ADCY8: variants seen among roughly 807,000 people sequenced by gnomAD.
ADCY8 encodes adenylate cyclase type 8.
Under a neutral mutation model 119.7 loss-of-function variants are expected in ADCY8, and 51 were observed. That is an observed-to-expected ratio of 0.43 (90% CI 0.34 to 0.54). The LOEUF (loss-of-function observed/expected upper bound fraction) is 0.54, where lower values mean the gene tolerates loss of function less well. Ranked by LOEUF, ADCY8 falls within the 20% of genes least tolerant of loss-of-function variation. The probability of loss-of-function intolerance (pLI) is 0.03; values close to 1 mark genes in which losing one functional copy is unlikely to be tolerated. For missense variants in ADCY8, 1,383 were observed against 1,598.8 expected (o/e 0.87, Z 2.30); for synonymous variants, 665 against 651.0 (o/e 1.02, Z -0.33).
intron 1 of ADCY8, among the ~76,000 whole-genome samples, chr8:131,017,200 G>A (rs1208548985): frequency 6.6e-6 from 1 of 151,968 alleles, no homozygotes; most frequent in African/African-American, 2.4e-5. Flanking sequence ...CTCCCTAGTA[G>A]CTGGGACTAC....
chr8:130,871,935 T>G (rs1281530279), intron 8 of ADCY8, among the ~76,000 whole-genome samples: 2 of 151,528 alleles, frequency 1.3e-5, no homozygotes, highest in Non-Finnish European at 2.9e-5. Context: ...ACAAGAGAAC[T>G]TGGCAATCAC....
intron 15 of ADCY8, among the ~76,000 whole-genome samples, chr8:130,796,230 A>G (rs1257424116): frequency 1.3e-5 from 2 of 152,206 alleles, no homozygotes; most frequent in Non-Finnish European, 2.9e-5. Context: ...TGGAGGCAGA[A>G]AGGAACTTCA....
At chr8:130,869,958 T>TCCTC (rs1563703151) in intron 8 of ADCY8, among the ~76,000 whole-genome samples, 5 of 78,312 alleles carry the variant, frequency 6.4e-5, no homozygotes, top group East Asian at 2.2e-3. Context: ...TTCTTCTTCT[T>TCCTC]CTTCCTTCTT....
At chr8:130,900,999 G>C (rs28692964) in intron 7 of ADCY8, among the ~76,000 whole-genome samples, 91,024 of 151,838 alleles carry the variant, frequency 0.6, 28,447 homozygotes, top group East Asian at 0.69. Context: ...TTCTATCATC[G>C]ACGCAGTTCC....
intron 5 of ADCY8, among the ~76,000 whole-genome samples, chr8:130,916,135 G>C (rs1393567095): frequency 6.6e-6 from 1 of 152,192 alleles, no homozygotes; most frequent in East Asian, 1.9e-4. Flanking sequence ...TGATGGACTA[G>C]TTAGAATTTC....
At chr8:130,869,151 G>T (rs1272461428) in intron 8 of ADCY8, among the ~76,000 whole-genome samples, 1 of 152,158 alleles carries the variant, frequency 6.6e-6, no homozygotes, top group Non-Finnish European at 1.5e-5. Flanking sequence ...CACAGTTATT[G>T]CTTTTGCAGG....
At position 131,009,616 on chromosome 8, in the gene ADCY8, G is replaced by C. The variant is rs145750341; in HGVS notation, c.961-19074C>G. ...TTTCTTTATAAATTACCCAATCTTG[G>C]GCATTTCTTCATATCAGCATGAGAA... On this transcript the variant is annotated intron_variant, in intron 1 of 17. Transcript: ENST00000286355. Among the ~76,000 whole-genome samples, 1,106 of 152,124 alleles carry C rather than the reference G, an allele frequency of 7.3e-3. 10 individuals carry two copies. The highest frequency in any genetic ancestry group is 0.012 in the Non-Finnish European group (850 of 68,018).
chr8:131,015,562 C>G (rs1452371617), intron 1 of ADCY8, among the ~76,000 whole-genome samples: 2 of 152,178 alleles, frequency 1.3e-5, no homozygotes, highest in Non-Finnish European at 2.9e-5. Context: ...AAACTCAGTC[C>G]AGAAAGGCTT....
At chr8:130,907,498 T>C (rs1239975217) in intron 6 of ADCY8, among the ~76,000 whole-genome samples, 1 of 152,252 alleles carries the variant, frequency 6.6e-6, no homozygotes, top group African/African-American at 2.4e-5. Context: ...CTACGTGCTT[T>C]ATAAGCACTA....
rs79314299 is a variant in ADCY8, at chr8:131,011,460, T to C, written c.961-20918A>G. Among the ~76,000 whole-genome samples, 851 of 152,280 alleles carry C rather than the reference T, an allele frequency of 5.6e-3. 6 individuals carry two copies. Among genetic ancestry groups the C allele is most frequent in the African/African-American group, 0.02 (823 of 41,556 alleles). On this transcript the variant is annotated intron_variant, in intron 1 of 17. Coordinates refer to ENST00000286355, the MANE Select transcript of ADCY8 (RefSeq NM_001115.3). ...TCAAGTGACTCTTTCCCCTGCTGGATGGACCTGGGCCAGCAGGTCACTGCC... is the reference window on the plus strand; with the variant it reads ...TCAAGTGACTCTTTCCCCTGCTGGACGGACCTGGGCCAGCAGGTCACTGCC...
intron 2 of ADCY8, among the ~76,000 whole-genome samples, chr8:130,984,498 T>G (rs544367762): frequency 2.2e-3 from 334 of 151,942 alleles, no homozygotes; most frequent in African/African-American, 7.6e-3. Flanking sequence ...TTTTTTTAAT[T>G]TCATAGATCG....
At chr8:130,932,666 C>G (rs993202884) in intron 5 of ADCY8, among the ~76,000 whole-genome samples, 11 of 152,154 alleles carry the variant, frequency 7.2e-5, no homozygotes, top group African/African-American at 2.7e-4. Flanking sequence ...TCTTTTGAAG[C>G]TATTTTCACA....
chr8:130,850,473 C>A (rs147573327), intron 9 of ADCY8, among the ~76,000 whole-genome samples: 1 of 152,268 alleles, frequency 6.6e-6, no homozygotes, highest in African/African-American at 2.4e-5. Context: ...CTGGAGGCAT[C>A]TTTAACTCCT....
chr8:130,997,906 T>C (rs1490680141), intron 1 of ADCY8, among the ~76,000 whole-genome samples: 1 of 152,134 alleles, frequency 6.6e-6, no homozygotes, highest in African/African-American at 2.4e-5. Flanking sequence ...TGACCCAGAG[T>C]TGATGTGCTA....
Position 130,898,660 on chromosome 8 carries a change from G to A in ADCY8, c.1911+5112C>T, listed in dbSNP as rs900324750. Among the ~76,000 whole-genome samples the A allele has an allele frequency of 2.6e-5, 4 of 152,106 alleles. 1 individual carries two copies. The highest frequency in any genetic ancestry group is 2.6e-4 in the Admixed American group (4 of 15,272). On this transcript the variant is annotated intron_variant, in intron 7 of 17. Transcript: ENST00000286355. ...GGATGAAGATGATTCCACAACATAC[G>A]GAAACAAATTCCAGGCTCTGAAAAG...
At chr8:130,941,866 T>G (rs1586591129) in intron 4 of ADCY8, among the ~76,000 whole-genome samples, 1 of 152,384 alleles carries the variant, frequency 6.6e-6, no homozygotes, top group East Asian at 1.9e-4. Flanking sequence ...CCTGCTCTGA[T>G]TTCTTTGCCT....
intron 1 of ADCY8, among the ~76,000 whole-genome samples, chr8:131,024,224 G>A (rs1340145172): frequency 6.6e-6 from 1 of 152,186 alleles, no homozygotes; most frequent in Admixed American, 6.5e-5. Context: ...GAACAAGACA[G>A]CTTGCTATTG....
At chr8:130,930,866 T>C (rs1438512174) in intron 5 of ADCY8, among the ~76,000 whole-genome samples, 2 of 152,156 alleles carry the variant, frequency 1.3e-5, no homozygotes, top group Non-Finnish European at 2.9e-5. Flanking sequence ...GTTTGAAAAG[T>C]TTTCTGCTAC....
At chr8:130,790,350 C>T (rs1400614979) in intron 15 of ADCY8, among the ~76,000 whole-genome samples, 4 of 152,084 alleles carry the variant, frequency 2.6e-5, no homozygotes, top group Admixed American at 2.0e-4. Flanking sequence ...ACGTCAAAGC[C>T]TCCTATCTCC....
Sources: gnomAD v4.1 joint callset for allele counts (sites outside exome capture counted in the v4.1 genomes callset) on GRCh38, gnomAD v4.1.1 for gene constraint, MANE v1.5 for transcripts, NCBI Gene and HGNC (gene_info 2026-07-23, HGNC 2026-07-21) for gene names.